SLC66A1: variants seen among roughly 807,000 people sequenced by gnomAD.
SLC66A1 encodes lysosomal amino acid transporter 1 homolog.
Under a neutral mutation model 33.0 loss-of-function variants are expected in SLC66A1, and 23 were observed. The ratio of observed to expected loss-of-function variants is 0.70; its 90% CI spans 0.50 to 0.99. The LOEUF (loss-of-function observed/expected upper bound fraction) is 0.99. SLC66A1 is among the 50% of genes least tolerant of loss of function. The pLI is 0.00. For missense variants in SLC66A1, 335 were observed against 383.6 expected (o/e 0.87, Z 1.06); for synonymous variants, 164 against 175.5 (o/e 0.93, Z 0.52).
chr1:19,328,534 G>A lies in SLC66A1; in HGVS notation c.805-38G>A. 1 of 1,593,790 alleles carries A rather than the reference G, an allele frequency of 6.3e-7. No individual in the cohort carries two copies. Among genetic ancestry groups the A allele is most frequent in the South Asian group, 1.1e-5 (1 of 88,400 alleles). ...GGCCCCCAGGGGCAGGTCCAACCCA[G>A]TCTCTGCTCAGCTTGGCCTTAACGG... is the stretch of plus-strand genomic sequence containing the variant. On this transcript the variant is annotated intron_variant, in intron 7 of 7. Transcript: ENST00000375153. The surrounding 1 kb of genome is among the most constrained non-coding windows in gnomAD (Gnocchi z 4.7).
intron 2 of SLC66A1, among the ~76,000 whole-genome samples, chr1:19,322,303 T>A (rs2093841991): frequency 6.6e-6 from 1 of 152,048 alleles, no homozygotes; most frequent in African/African-American, 2.4e-5. Context: ...CCTTTCTGCC[T>A]GGGCTGGTTG....
At chr1:19,327,677 G>A (rs552412357) in intron 7 of SLC66A1, 79 of 671,416 alleles carry the variant, frequency 1.2e-4, no homozygotes, top group African/African-American at 9.7e-4. Context: ...GGGGCGCAGA[G>A]AGGACACAAC....
intron 2 of SLC66A1, among the ~76,000 whole-genome samples, chr1:19,319,669 A>G (rs2093824510): frequency 7.4e-6 from 1 of 135,858 alleles, no homozygotes; most frequent in Non-Finnish European, 1.5e-5. Flanking sequence ...TTGGGAGGCT[A>G]AGGCGGGCAG....
intron 7 of SLC66A1, chr1:19,327,725 AG>A: frequency 1.9e-6 from 1 of 527,036 alleles, no homozygotes; most frequent in Non-Finnish European, 3.8e-6. Flanking sequence ...AGTGGCACCA[AG>A]TGCTGCAGAG....
intron 1 of SLC66A1, among the ~76,000 whole-genome samples, chr1:19,314,895 T>G (rs1224322063): frequency 6.3e-5 from 4 of 63,908 alleles, no homozygotes; most frequent in East Asian, 3.2e-4. Flanking sequence ...GACTATATGG[T>G]TTTTTTTTTG....
chr1:19,333,190 C>T (rs1178966208), downstream of SLC66A1, among the ~76,000 whole-genome samples: 1 of 152,132 alleles, frequency 6.6e-6, no homozygotes, highest in African/African-American at 2.4e-5. This position sits in a 1 kb window ranked among gnomAD's most constrained non-coding sequence, Gnocchi z 4.2. Flanking sequence ...GCCCCAAGGT[C>T]CCATTAGTTA....
chr1:19,332,390 A>G (rs868746082), downstream of SLC66A1, among the ~76,000 whole-genome samples: 3 of 152,224 alleles, frequency 2.0e-5, no homozygotes, highest in African/African-American at 7.2e-5. Context: ...GCACACAGTA[A>G]GTGCCTGGTA....
chr1:19,327,525 A>G (rs759003499), intron 7 of SLC66A1, 113 bp downstream of exon 7: 5 of 614,812 alleles, frequency 8.1e-6, no homozygotes, highest in Non-Finnish European at 1.3e-5. Flanking sequence ...CCGTCCATCC[A>G]TCCATCCCTC....
chr1:19,313,485 G>A (rs535985979), intron 1 of SLC66A1, among the ~76,000 whole-genome samples: 16 of 152,344 alleles, frequency 1.1e-4, no homozygotes, highest in African/African-American at 2.6e-4. Context: ...GACAGTGGTC[G>A]CAGAGGACGG....
intron 7 of SLC66A1, 104 bp downstream of exon 7, chr1:19,327,516 C>T (rs1190388167): frequency 3.6e-5 from 48 of 1,339,992 alleles, no homozygotes; most frequent in African/African-American, 1.4e-4. Flanking sequence ...TTCATCCATC[C>T]GTCCATCCAT....
rs1388415976 is a variant in SLC66A1 at position 19,321,815 on chromosome 1, C to A, written c.165-2818C>A. Among the ~76,000 whole-genome samples the A allele has an allele frequency of 1.3e-5, 2 of 151,336 alleles. 1 individual carries two copies. Among genetic ancestry groups the A allele is most frequent in the Admixed American group, 1.3e-4 (2 of 15,252 alleles). ...CTCGTGACCTCAGGTGGTCTACCTG[C>A]CTCAGCCTCCAAAAGTGCTGGGATT... is the stretch of plus-strand genomic sequence containing the variant. On this transcript the variant is annotated intron_variant, in intron 2 of 7. Transcript: ENST00000375153.
At chr1:19,320,707 A>T (rs138171442) in intron 2 of SLC66A1, among the ~76,000 whole-genome samples, 6 of 146,620 alleles carry the variant, frequency 4.1e-5, no homozygotes, top group Non-Finnish European at 8.9e-5. Flanking sequence ...GAGCCACCGC[A>T]CCTGGCCTCA....
chr1:19,318,737 C>T (rs1361049187), intron 2 of SLC66A1, among the ~76,000 whole-genome samples: 13 of 150,182 alleles, frequency 8.7e-5, no homozygotes, highest in African/African-American at 2.7e-4. Flanking sequence ...CACTTGAGGT[C>T]GGGAGTTTGA....
At chr1:19,320,647 C>T (rs980471451) in intron 2 of SLC66A1, among the ~76,000 whole-genome samples, 19 of 151,666 alleles carry the variant, frequency 1.3e-4, no homozygotes, top group East Asian at 3.9e-4. Flanking sequence ...GATTTCCTGA[C>T]CTTGTGATCC....
downstream of SLC66A1, among the ~76,000 whole-genome samples, chr1:19,330,338 A>G (rs1426785678): frequency 6.6e-6 from 1 of 152,064 alleles, no homozygotes; most frequent in African/African-American, 2.4e-5. Context: ...TGCCTTTAGG[A>G]TCTCCCTTCC....
In SLC66A1 at chr1:19,326,128, G is replaced by A. The variant is rs548608441; in HGVS notation, c.383-117G>A. On this transcript the variant is annotated intron_variant, in intron 4 of 7. Transcript: ENST00000375153. ...GAAGAATGAAAGCTCAGAGAGGTTA[G>A]GTCACTTGCCCAAGGTCACACAGCC... is the stretch of plus-strand genomic sequence containing the variant. 17 of 903,110 alleles carry A rather than the reference G, an allele frequency of 1.9e-5. No individual in the cohort carries two copies. In the East Asian group the frequency reaches 4.2e-4, roughly 22 times the overall value. The allele number at this position is 903,110 out of a possible 1,614,324, so 55.9% of individuals were successfully genotyped here.
In SLC66A1 at chr1:19,327,485, A is replaced by C. The variant is rs2093874436; in HGVS notation, c.804+73A>C. On this transcript the variant is annotated intron_variant, in intron 7 of 7. Coordinates refer to ENST00000375153, the MANE Select transcript of SLC66A1 (RefSeq NM_001040125.2). ...GCTTCTGCCTGCACACAGCGTCAGC[A>C]CTCATCCGTCTCTTCCTCCCTTCAT... is the stretch of plus-strand genomic sequence containing the variant. 14 of 1,508,924 alleles carry C rather than the reference A, an allele frequency of 9.3e-6. No homozygotes were observed. In the South Asian group the frequency reaches 1.7e-4, roughly 18 times the overall value. 93.5% of individuals were successfully genotyped at this position (1,508,924 alleles called of 1,614,324 possible).
At chr1:19,333,295 C>T (rs7554162), downstream of SLC66A1, among the ~76,000 whole-genome samples, 6,372 of 152,212 alleles carry the variant, frequency 0.042, 173 homozygotes, top group African/African-American at 0.059. This position sits in a 1 kb window ranked among gnomAD's most constrained non-coding sequence, Gnocchi z 4.2. Flanking sequence ...GCAGCCTCCA[C>T]CTCCTGGGCT....
At chr1:19,330,546 C>T (rs1180286441), downstream of SLC66A1, among the ~76,000 whole-genome samples, 2 of 152,174 alleles carry the variant, frequency 1.3e-5, no homozygotes, top group African/African-American at 4.8e-5. Context: ...ATGAGACCAG[C>T]CCCAGGAGGG....
Sources: allele counts gnomAD v4.1 joint callset (sites outside exome capture counted in the v4.1 genomes callset), GRCh38; gene constraint gnomAD v4.1.1; non-coding constraint Gnocchi (gnomAD v3.1); transcripts MANE v1.5; gene names NCBI Gene and HGNC (gene_info 2026-07-23, HGNC 2026-07-21).